Variants in DNAJC12 observed in about 807,000 individuals in gnomAD.
The protein encoded by DNAJC12 is DnaJ heat shock protein family (Hsp40) member C12, also known as dnaJ homolog subfamily C member 12.
DNAJC12 carries 25 observed loss-of-function variants against 28.5 expected under a neutral mutation model. The ratio of observed to expected loss-of-function variants is 0.88; its 90% CI spans 0.64 to 1.22. DNAJC12 has a LOEUF of 1.22. DNAJC12 is among the 50% of genes most tolerant of loss of function. DNAJC12 has a pLI of 0.00. For synonymous variants in DNAJC12, 77 were observed against 80.6 expected, an observed-to-expected ratio of 0.95 and a Z score of 0.24; for missense variants, 222 against 231.7, an observed-to-expected ratio of 0.96 and a Z score of 0.27.
intron 1 of DNAJC12, among the ~76,000 whole-genome samples, chr10:67,834,499 G>A (rs1842124089): frequency 6.6e-6 from 1 of 152,108 alleles, no homozygotes; most frequent in Admixed American, 6.6e-5. Flanking sequence ...ACTCTGTGAG[G>A]TGGGTACTAT....
chr10:67,837,680 A>C (rs1292050052), intron 1 of DNAJC12, among the ~76,000 whole-genome samples: 1 of 152,218 alleles, frequency 6.6e-6, no homozygotes, highest in Non-Finnish European at 1.5e-5. Context: ...GTGAAACAGC[A>C]TATGGCCATG....
Position 67,811,646 on chromosome 10 carries a change from G to T in DNAJC12, c.175C>A (p.Leu59Met), listed in dbSNP as rs754416367. 1.9e-6 allele frequency: 3 copies of T among 1,613,032 alleles called. No individual in the cohort carries two copies. In the East Asian group the frequency reaches 6.7e-5, roughly 36 times the overall value. Residue 59 changes from leucine (L) to methionine (M), a missense_variant, in exon 3 of 5, where the codon CTG becomes ATG. By Grantham distance (15) the Leu-to-Met change is conservative (BLOSUM62 2). Coordinates refer to ENST00000225171, the MANE Select transcript of DNAJC12 (RefSeq NM_021800.3). ...NPKAVETFQK[L>M]QKAKEILTNE... ...GTCAGAATCTCCTTTGCCTTCTGCAGTTTCTGAAAAGTCTCCACTGGAAAA... is the reference window on the plus strand; with the variant it reads ...GTCAGAATCTCCTTTGCCTTCTGCATTTTCTGAAAAGTCTCCACTGGAAAA...
At chr10:67,804,491 G>A (rs937915929) in intron 4 of DNAJC12, among the ~76,000 whole-genome samples, 3 of 152,150 alleles carry the variant, frequency 2.0e-5, no homozygotes, top group African/African-American at 7.2e-5. Flanking sequence ...CTCTTGAGTA[G>A]CTAGGACTAC....
intron 1 of DNAJC12, among the ~76,000 whole-genome samples, 182 bp downstream of exon 1, chr10:67,837,752 T>C (rs149568189): frequency 5.3e-5 from 8 of 152,308 alleles, no homozygotes; most frequent in African/African-American, 1.9e-4. Flanking sequence ...ACTATTCAAG[T>C]AAAATCCCAA....
chr10:67,824,343 C>A (rs1358907622), intron 1 of DNAJC12, among the ~76,000 whole-genome samples: 1 of 151,816 alleles, frequency 6.6e-6, no homozygotes, highest in East Asian at 1.9e-4. Flanking sequence ...CACCATTACT[C>A]AAGGATAACT....
chr10:67,810,701 CAA>C, intron 3 of DNAJC12: 1 of 152,240 alleles, frequency 6.6e-6, no homozygotes, highest in Admixed American at 6.5e-5. Context: ...ACAATTTGCT[CAA>C]GTCTTCTAAA....
intron 2 of DNAJC12, among the ~76,000 whole-genome samples, chr10:67,812,781 G>T (rs1479875571): frequency 6.6e-6 from 1 of 151,926 alleles, no homozygotes; most frequent in Non-Finnish European, 1.5e-5. Context: ...GAACCTGGGA[G>T]GCAGAGGTTG....
intron 2 of DNAJC12, 45 bp from the exon 3 acceptor site, chr10:67,811,708 T>C (rs774072975): frequency 1.3e-6 from 2 of 1,587,432 alleles, no homozygotes; most frequent in East Asian, 4.5e-5. Context: ...TCGGAGAGGA[T>C]ATTTTAAACT....
rs747131362 is a variant in DNAJC12, at chr10:67,811,691, T to C, written c.158-28A>G. 5.0e-6 allele frequency: 8 copies of C among 1,604,486 alleles called. No individual in the cohort carries two copies. The African/African-American group carries it at 1.1e-4, about 22-fold the overall frequency. On this transcript the variant is annotated intron_variant, in intron 2 of 4. Coordinates refer to ENST00000225171, the MANE Select transcript of DNAJC12 (RefSeq NM_021800.3). ...GGAAAACAAATCAAGAAATGAGCACTTCTCTCTCGGAGAGGATATTTTAAA... is the reference window on the plus strand; with the variant it reads ...GGAAAACAAATCAAGAAATGAGCACCTCTCTCTCGGAGAGGATATTTTAAA...
intron 1 of DNAJC12, 139 bp from the exon 2 acceptor site, chr10:67,823,531 T>C: frequency 1.6e-6 from 1 of 643,518 alleles, no homozygotes; most frequent in South Asian, 1.9e-5. Context: ...CAAGACCCAG[T>C]CTCTACAAAA....
intron 2 of DNAJC12, among the ~76,000 whole-genome samples, chr10:67,815,420 A>T (rs1841903100): frequency 6.7e-6 from 1 of 150,344 alleles, no homozygotes; most frequent in South Asian, 2.1e-4. Context: ...AGGCAGGAGA[A>T]TCGCTTGAAC....
chr10:67,801,659 G>A lies in DNAJC12; in HGVS notation c.502+3924C>T, dbSNP rs530148860. On this transcript the variant is annotated intron_variant, in intron 4 of 4. Coordinates refer to ENST00000225171, the MANE Select transcript of DNAJC12 (RefSeq NM_021800.3). ...ATGAAAATTAGCCAGGTGTGGTGGC[G>A]GGTGCCTGTAATCCCAGCTACTTGG... 4.5e-4 allele frequency among the ~76,000 whole-genome samples: 68 copies of A among 151,470 alleles called. 1 individual carries two copies. The South Asian group carries it at 0.01, about 22-fold the overall frequency.
At chr10:67,815,284 G>A (rs949938391) in intron 2 of DNAJC12, among the ~76,000 whole-genome samples, 13 of 152,116 alleles carry the variant, frequency 8.5e-5, no homozygotes, top group African/African-American at 1.7e-4. Context: ...CAAGGTGGGC[G>A]GATCACCTGA....
chr10:67,802,058 C>G (rs1841752567), intron 4 of DNAJC12, among the ~76,000 whole-genome samples: 1 of 151,638 alleles, frequency 6.6e-6, no homozygotes, highest in Non-Finnish European at 1.5e-5. Flanking sequence ...AGACAGGGCT[C>G]TTGCTATGTT....
rs1182491134 is a variant in DNAJC12, at chr10:67,826,748, T to C, written c.79-3356A>G. Among the ~76,000 whole-genome samples the C allele has an allele frequency of 2.8e-5, 3 of 107,582 alleles. 1 individual carries two copies. The highest frequency in any genetic ancestry group is 5.5e-5 in the Non-Finnish European group (3 of 54,294). The allele number at this position is 107,582 out of a possible 152,430, so 70.6% of individuals were successfully genotyped here. ...TATCTAATGATATATATAATATATA[T>C]CATTATATATCTGATATCTAATGAT... On this transcript the variant is annotated intron_variant, in intron 1 of 4. Transcript: ENST00000225171.
At chr10:67,799,450 T>G (rs543911242) in intron 4 of DNAJC12, among the ~76,000 whole-genome samples, 2 of 152,336 alleles carry the variant, frequency 1.3e-5, no homozygotes, top group South Asian at 2.1e-4. Flanking sequence ...TTAGATATAC[T>G]AACACAAATG....
intron 4 of DNAJC12, among the ~76,000 whole-genome samples, chr10:67,804,790 G>T (rs1158629705): frequency 1.3e-5 from 2 of 152,146 alleles, no homozygotes; most frequent in African/African-American, 4.8e-5. Context: ...CCAGCACTTT[G>T]GGAGGCCCAG....
chr10:67,826,675 A>G (rs1313386142), intron 1 of DNAJC12, among the ~76,000 whole-genome samples: 1 of 129,028 alleles, frequency 7.8e-6, no homozygotes, highest in Non-Finnish European at 1.6e-5. Context: ...ATATCATTAT[A>G]TATAAGATAT....
At chr10:67,824,903 T>C (rs1429142515) in intron 1 of DNAJC12, among the ~76,000 whole-genome samples, 5 of 151,824 alleles carry the variant, frequency 3.3e-5, no homozygotes, top group Non-Finnish European at 7.4e-5. Flanking sequence ...CTGGCTAATT[T>C]TTGTATTTTT....
Sources: allele counts gnomAD v4.1 joint callset (sites outside exome capture counted in the v4.1 genomes callset), GRCh38; gene constraint gnomAD v4.1.1; transcripts MANE v1.5; gene names NCBI Gene and HGNC (gene_info 2026-07-23, HGNC 2026-07-21).